OR8B8: variants seen among roughly 807,000 people sequenced by gnomAD.
OR8B8 encodes olfactory receptor family 8 subfamily B member 8.
In OR8B8, 8 loss-of-function variants were observed where a neutral mutation model predicts 10.5. That is an observed-to-expected ratio of 0.76 (90% CI 0.45 to 1.38). The LOEUF (loss-of-function observed/expected upper bound fraction) is 1.38, where lower values mean the gene tolerates loss of function less well. OR8B8 is among the 40% of genes most tolerant of loss of function. The pLI, the probability that OR8B8 is intolerant of heterozygous loss-of-function variation, is 0.00. For synonymous variants in OR8B8, 150 were observed against 145.2 expected, an observed-to-expected ratio of 1.03 and a Z score of -0.24; for missense variants, 390 against 380.5, an observed-to-expected ratio of 1.03 and a Z score of -0.21.
chr11:124,444,463 A>G (rs1236232007), intron 1 of OR8B8, among the ~76,000 whole-genome samples: 1 of 152,232 alleles, frequency 6.6e-6, no homozygotes, highest in Non-Finnish European at 1.5e-5. Context: ...GACAAATCCT[A>G]CAGTACTTTG....
intron 1 of OR8B8, among the ~76,000 whole-genome samples, chr11:124,444,009 A>G (rs540208244): frequency 2.0e-5 from 3 of 152,198 alleles, no homozygotes; most frequent in South Asian, 2.1e-4. Context: ...TAGTACATCA[A>G]AAGATCTCAG....
rs1861443151 is a variant in OR8B8 at position 124,439,665 on chromosome 11, A to G, written c.*485T>C. The G allele has an allele frequency of 6.4e-6, 1 of 157,054 alleles. No individual in the cohort carries two copies. The highest frequency in any genetic ancestry group is 6.1e-5 in the Admixed American group (1 of 16,384). The allele number at this position is 157,054 out of a possible 1,614,324, so 9.7% of individuals were successfully genotyped here. A position where few individuals can be genotyped will look rare whatever the true frequency, so the allele number is the denominator to read the frequency against. ...TGGTCATTTGGCCAAGGCCATCTCA[A>G]CAAAAAATTCTATATACTTCCTACC... is the stretch of plus-strand genomic sequence containing the variant. On this transcript the variant is annotated 3_prime_UTR_variant, in exon 3 of 3. Coordinates refer to ENST00000642064, the MANE Select transcript of OR8B8 (RefSeq NM_012378.2).
chr11:124,443,139 A>C (rs11219660), intron 1 of OR8B8, among the ~76,000 whole-genome samples: 16,712 of 58,906 alleles, frequency 0.28, 1,056 homozygotes, highest in Admixed American at 0.39. Flanking sequence ...ATTGAAGTCC[A>C]CCAGTCAGAG....
rs1861426156 is a variant in OR8B8 at position 124,438,303 on chromosome 11, GCTGTCCAA to G, written c.*1839_*1846del. 2.0e-5 allele frequency: 3 copies of G among 152,098 alleles called. No individual in the cohort carries two copies. Among genetic ancestry groups the G allele is most frequent in the Non-Finnish European group, 4.4e-5 (3 of 68,020 alleles). 9.4% of individuals were successfully genotyped at this position (152,098 alleles called of 1,614,324 possible). On this transcript the variant is annotated 3_prime_UTR_variant, in exon 3 of 3. Coordinates refer to ENST00000642064, the MANE Select transcript of OR8B8 (RefSeq NM_012378.2). Reference sequence around the variant, plus strand: ...ATTCTGTGTTGTTTATCTAGTCCATGCTGTCCAAGACACAATCCCTCATTCTTTTGAAT... The same window carrying G: ...ATTCTGTGTTGTTTATCTAGTCCATGGACACAATCCCTCATTCTTTTGAAT...
intron 2 of OR8B8, 83 bp from the exon 3 acceptor site, chr11:124,441,184 A>T: frequency 2.3e-6 from 2 of 878,362 alleles, no homozygotes; most frequent in Non-Finnish European, 3.4e-6. Flanking sequence ...CCTTCTTGAG[A>T]ATAGGAGGCA....
Position 124,438,465 on chromosome 11 carries a change from C to T in OR8B8, c.*1685G>A, listed in dbSNP as rs1466809608. 1.3e-5 allele frequency: 2 copies of T among 152,220 alleles called. No individual in the cohort carries two copies. Among genetic ancestry groups the T allele is most frequent in the Non-Finnish European group, 2.9e-5 (2 of 68,046 alleles). The allele number at this position is 152,220 out of a possible 1,614,324, so 9.4% of individuals were successfully genotyped here. On this transcript the variant is annotated 3_prime_UTR_variant, in exon 3 of 3. Transcript: ENST00000642064. ...GTCAACACATTTTCACAGCATTTCA[C>T]ATATCATTGTTTCACAAAGAAATCT... is the stretch of plus-strand genomic sequence containing the variant.
chr11:124,441,034 T>G lies in OR8B8; in HGVS notation c.52A>C (p.Thr18Pro), dbSNP rs916794205. Residue 18 changes from threonine (T) to proline (P), a missense_variant, in exon 3 of 3, where the codon ACT becomes CCT. Coordinates refer to ENST00000642064, the MANE Select transcript of OR8B8 (RefSeq NM_012378.2). ...GGGATCTGGACTCCCGGTTGGTCAG[T>G]TAAGCCTGCGAGGATAAACTGTGTC... Reference protein sequence around the residue: ...FVTQFILAGLTDQPGVQIPLF... With the variant: ...FVTQFILAGLPDQPGVQIPLF... 31 of 1,613,388 alleles carry G rather than the reference T, an allele frequency of 1.9e-5. No homozygotes were observed. In the African/African-American group the frequency reaches 3.6e-4, roughly 19 times the overall value.
In OR8B8 at chr11:124,438,288, G is replaced by A. The variant is rs1332629956; in HGVS notation, c.*1862C>T. On this transcript the variant is annotated 3_prime_UTR_variant, in exon 3 of 3. Transcript: ENST00000642064. Reference sequence around the variant, plus strand: ...CCCATAGTCAGCTAAATTCTGTGTTGTTTATCTAGTCCATGCTGTCCAAGA... The same window carrying A: ...CCCATAGTCAGCTAAATTCTGTGTTATTTATCTAGTCCATGCTGTCCAAGA... 6.6e-6 allele frequency: 1 copy of A among 152,026 alleles called. No individual in the cohort carries two copies. Among genetic ancestry groups the A allele is most frequent in the Non-Finnish European group, 1.5e-5 (1 of 67,994 alleles). 9.4% of individuals were successfully genotyped at this position (152,026 alleles called of 1,614,324 possible).
At position 124,440,651 on chromosome 11, in the gene OR8B8, C is replaced by T. The variant is rs1046419239; in HGVS notation, c.435G>A (p.Leu145=). The T allele has an allele frequency of 2.5e-6, 4 of 1,614,116 alleles. No homozygotes were observed. Among genetic ancestry groups the T allele is most frequent in the Non-Finnish European group, 2.5e-6 (3 of 1,180,030 alleles). ...TMSPQVCFLL[L]LGVYGMGFAG... ...CAAACCCCATCCCATAGACACCCAA[C>T]AAAAGGAGAAAACACACCTGGGGAG... The change falls in exon 3 of 3, where the codon TTG becomes TTA. Residue 145 remains leucine (L), a synonymous_variant. Coordinates refer to ENST00000642064, the MANE Select transcript of OR8B8 (RefSeq NM_012378.2).
Position 124,441,026 on chromosome 11 carries a change from T to G in OR8B8, c.60A>C (p.Gln20His). ...TQFILAGLTD[Q>H]PGVQIPLFFL... is the part of the protein sequence containing the mutation. ...AGAAGAGGGGGATCTGGACTCCCGG[T>G]TGGTCAGTTAAGCCTGCGAGGATAA... Residue 20 changes from glutamine to histidine, a missense_variant, in exon 3 of 3, where the codon CAA (glutamine) becomes CAC (histidine). Transcript: ENST00000642064. 1 of 1,613,566 alleles carries G rather than the reference T, an allele frequency of 6.2e-7. No homozygotes were observed. The highest frequency in any genetic ancestry group is 2.2e-5 in the East Asian group (1 of 44,872).
chr11:124,444,877 G>A (rs1861512341), intron 1 of OR8B8, among the ~76,000 whole-genome samples: 1 of 152,184 alleles, frequency 6.6e-6, no homozygotes, highest in African/African-American at 2.4e-5. Context: ...ATAGGGCAGA[G>A]GAGACAGCTG....
In OR8B8 at chr11:124,441,009, G is replaced by A. The variant is rs1484952491; in HGVS notation, c.77C>T (p.Pro26Leu). Reference protein sequence around the residue: ...GLTDQPGVQIPLFFLFLGFYV... With the variant: ...GLTDQPGVQILLFFLFLGFYV... ...GAAGCCTAGAAACAGGAAGAAGAGGGGGATCTGGACTCCCGGTTGGTCAGT... is the reference window on the plus strand; with the variant it reads ...GAAGCCTAGAAACAGGAAGAAGAGGAGGATCTGGACTCCCGGTTGGTCAGT... Residue 26 changes from proline (P) to leucine (L), a missense_variant, in exon 3 of 3, where the codon CCC becomes CTC. Pro to Leu is a moderately conservative substitution (Grantham distance 98, BLOSUM62 -3). Coordinates refer to ENST00000642064, the MANE Select transcript of OR8B8 (RefSeq NM_012378.2). 3.7e-6 allele frequency: 6 copies of A among 1,613,870 alleles called. No individual in the cohort carries two copies. Among genetic ancestry groups the A allele is most frequent in the Non-Finnish European group, 4.2e-6 (5 of 1,180,008 alleles).
Position 124,439,069 on chromosome 11 carries a change from A to G in OR8B8, c.*1081T>C, listed in dbSNP as rs963793155. The G allele has an allele frequency of 1.3e-5, 2 of 152,266 alleles. No individual in the cohort carries two copies. The highest frequency in any genetic ancestry group is 4.8e-5 in the African/African-American group (2 of 41,478). The allele number at this position is 152,266 out of a possible 1,614,324, so 9.4% of individuals were successfully genotyped here. On this transcript the variant is annotated 3_prime_UTR_variant, in exon 3 of 3. Transcript: ENST00000642064. ...AAGTACCCCACATGGTTTCTGCTGC[A>G]TGCAGCATTATACCATTCAGTGGTC...
rs1861448006 is a variant in OR8B8, at chr11:124,440,088, C to A, written c.*62G>T. Reference sequence around the variant, plus strand: ...GAAAAATTATATTTCTTCCATGTAACCAGTGGAGTCCAAATCACTTATGGG... The same window carrying A: ...GAAAAATTATATTTCTTCCATGTAAACAGTGGAGTCCAAATCACTTATGGG... On this transcript the variant is annotated 3_prime_UTR_variant, in exon 3 of 3. Transcript: ENST00000642064. 1.5e-6 allele frequency: 2 copies of A among 1,296,094 alleles called. No homozygotes were observed. The highest frequency in any genetic ancestry group is 1.9e-4 in the Middle Eastern group (1 of 5,220). The allele number at this position is 1,296,094 out of a possible 1,614,324, so 80.3% of individuals were successfully genotyped here.
chr11:124,440,290 A>C lies in OR8B8; in HGVS notation c.796T>G (p.Leu266Val). The C allele has an allele frequency of 6.2e-7, 1 of 1,614,194 alleles. No individual in the cohort carries two copies. The highest frequency in any genetic ancestry group is 1.1e-5 in the South Asian group (1 of 91,062). The change falls in exon 3 of 3, where the codon TTA becomes GTA. Residue 266 changes from leucine (L) to valine (V), a missense_variant. Coordinates refer to ENST00000642064, the MANE Select transcript of OR8B8 (RefSeq NM_012378.2). The part of the protein sequence containing the change: ...AFMYLKPFSL[L>V]AMNQGKVSSL... ...GACACCTTGCCCTGGTTCATAGCTA[A>C]AAGAGAAAAGGGTTTGAGGTACATG...
intron 1 of OR8B8, among the ~76,000 whole-genome samples, chr11:124,445,247 C>T (rs1313402954): frequency 6.6e-6 from 1 of 152,178 alleles, no homozygotes; most frequent in Non-Finnish European, 1.5e-5. Flanking sequence ...TTCATCAGCA[C>T]ACAGTCTACT....
chr11:124,443,939 C>T lies in OR8B8; in HGVS notation c.-153+1637G>A, dbSNP rs573030708. The stretch of plus-strand genomic sequence containing the variant: ...ATCTGTAAGCGTGAAGGAATTAACA[C>T]CCCTGGGAGTCAGTGGGTAAATGTC... On this transcript the variant is annotated intron_variant, in intron 1 of 2. Transcript: ENST00000642064. 3.3e-5 allele frequency among the ~76,000 whole-genome samples: 5 copies of T among 152,302 alleles called. 1 individual carries two copies. The highest frequency in any genetic ancestry group is 9.6e-5 in the African/African-American group (4 of 41,562).
In OR8B8 at chr11:124,440,682, G is replaced by A. The variant is rs764848219; in HGVS notation, c.404C>T (p.Thr135Ile). 4.3e-6 allele frequency: 7 copies of A among 1,614,146 alleles called. No homozygotes were observed. The highest frequency in any genetic ancestry group is 2.2e-5 in the South Asian group (2 of 91,076). The change falls in exon 3 of 3, where the codon ACC becomes ATC. Residue 135 changes from threonine (T) to isoleucine (I), a missense_variant. Thr to Ile is a moderately conservative substitution (Grantham distance 89). Transcript: ENST00000642064. ...GAGAAAACACACCTGGGGAGACATGGTGACCATGTACAACAGTGGGTTACA... is the reference window on the plus strand; with the variant it reads ...GAGAAAACACACCTGGGGAGACATGATGACCATGTACAACAGTGGGTTACA... ...AICNPLLYMV[T>I]MSPQVCFLLL...
chr11:124,437,780 TA>T lies in OR8B8; in HGVS notation c.*2369del, dbSNP rs1477991777. 6.6e-6 allele frequency: 1 copy of T among 152,148 alleles called. No homozygotes were observed. Among genetic ancestry groups the T allele is most frequent in the Admixed American group, 6.5e-5 (1 of 15,274 alleles). The allele number at this position is 152,148 out of a possible 1,614,324, so 9.4% of individuals were successfully genotyped here. A position where few individuals can be genotyped will look rare whatever the true frequency, so the allele number is the denominator to read the frequency against. ...TCATGAGGGCCCCACCCTCATTACC[TA>T]ATCACCTCCCAAAGACCCCACCTCC... On this transcript the variant is annotated 3_prime_UTR_variant, in exon 3 of 3. Coordinates refer to ENST00000642064, the MANE Select transcript of OR8B8 (RefSeq NM_012378.2).
Sources: allele counts gnomAD v4.1 joint callset (sites outside exome capture counted in the v4.1 genomes callset), GRCh38; gene constraint gnomAD v4.1.1; transcripts MANE v1.5; gene names NCBI Gene and HGNC (gene_info 2026-07-23, HGNC 2026-07-21).